ZIC1: variants seen among roughly 807,000 people sequenced by gnomAD.
ZIC1 encodes the protein zinc finger protein ZIC 1.
Under a neutral mutation model 30.9 loss-of-function variants are expected in ZIC1, and 4 were observed. That is an observed-to-expected ratio of 0.13 (90% confidence interval 0.06 to 0.30). The LOEUF (loss-of-function observed/expected upper bound fraction) is 0.30, where lower values mean the gene tolerates loss of function less well. Ranked by LOEUF, ZIC1 falls within the 10% of genes least tolerant of loss-of-function variation. The pLI, the probability that ZIC1 is intolerant of heterozygous loss-of-function variation, is 1.00. For synonymous variants in ZIC1, 305 were observed against 277.5 expected (o/e 1.10, Z -0.98); for missense variants, 441 against 639.3 (o/e 0.69, Z 3.34).
rs769942443 is a variant in ZIC1, at chr3:147,414,345, A to T, written c.*794A>T. 7.2e-5 allele frequency: 11 copies of T among 152,598 alleles called. No individual in the cohort carries two copies. Among genetic ancestry groups the T allele is most frequent in the Admixed American group, 2.6e-4 (4 of 15,286 alleles). 9.5% of individuals were successfully genotyped at this position (152,598 alleles called of 1,614,324 possible). ...CCATTTGTTTATGTAAAGTGATATTAAAAAAGATATAAACTATAACTGTCC... is the reference window on the plus strand; with the variant it reads ...CCATTTGTTTATGTAAAGTGATATTTAAAAAGATATAAACTATAACTGTCC... On this transcript the variant is annotated 3_prime_UTR_variant, in exon 3 of 3. Coordinates refer to ENST00000282928, the MANE Select transcript of ZIC1 (RefSeq NM_003412.4).
At chr3:147,411,828 TA>T (rs199986242) in intron 1 of ZIC1, among the ~76,000 whole-genome samples, 19,154 of 143,972 alleles carry the variant, frequency 0.13, 1,396 homozygotes, top group East Asian at 0.22. Flanking sequence ...CCGGAACAGT[TA>T]AAAAAAAAAA....
rs1559970131 is a variant in ZIC1, at chr3:147,410,944, C to G, written c.832C>G (p.Arg278Gly). ...NHICFWEECP[R>G]EGKPFKAKYK... ...CATCTGCTTCTGGGAGGAGTGTCCG[C>G]GCGAGGGCAAGCCCTTCAAAGCCAA... Residue 278 changes from arginine (R) to glycine (G), a missense_variant, in exon 1 of 3, where the codon CGC becomes GGC. Physicochemically the swap from Arg to Gly is moderately radical, Grantham distance 125 (BLOSUM62 -2). This residue lies in a region of ZIC1 where 33 missense variants were observed against 66.5 expected (regional missense o/e 0.50). Coordinates refer to ENST00000282928, the MANE Select transcript of ZIC1 (RefSeq NM_003412.4). 1 of 1,614,278 alleles carries G rather than the reference C, an allele frequency of 6.2e-7. No individual in the cohort carries two copies.
At position 147,415,389 on chromosome 3, in the gene ZIC1, T is replaced by G. The variant is rs796287348; in HGVS notation, c.*1838T>G. ...TGCTTAATGACTGTAGCAGAATGCC[T>G]TTTCTCTAAATCAGATTGTCTTTCT... is the stretch of plus-strand genomic sequence containing the variant. On this transcript the variant is annotated 3_prime_UTR_variant, in exon 3 of 3. Coordinates refer to ENST00000282928, the MANE Select transcript of ZIC1 (RefSeq NM_003412.4). 2.0e-5 allele frequency: 3 copies of G among 152,810 alleles called. No homozygotes were observed. Among genetic ancestry groups the G allele is most frequent in the African/African-American group, 7.2e-5 (3 of 41,590 alleles). The allele number at this position is 152,810 out of a possible 1,614,324, so 9.5% of individuals were successfully genotyped here. A position where few individuals can be genotyped will look rare whatever the true frequency, so the allele number is the denominator to read the frequency against.
Position 147,410,711 on chromosome 3 carries a change from T to G in ZIC1, c.599T>G (p.Met200Arg). 2.5e-6 allele frequency: 4 copies of G among 1,613,854 alleles called. No individual in the cohort carries two copies. The East Asian group carries it at 8.9e-5, about 36-fold the overall frequency. Reference sequence around the variant, plus strand: ...CCGCAGCTGCACGGCTACGGGCCCATGAACGTGAACATGGCCGCGCATCAC... The same window carrying G: ...CCGCAGCTGCACGGCTACGGGCCCAGGAACGTGAACATGGCCGCGCATCAC... Reference protein sequence around the residue: ...AAPQLHGYGPMNVNMAAHHGA... With the variant: ...AAPQLHGYGPRNVNMAAHHGA... Residue 200 changes from methionine to arginine, a missense_variant, in exon 1 of 3, where the codon ATG (methionine) becomes AGG (arginine). Transcript: ENST00000282928.
At chr3:147,411,991 C>A (rs550873093) in intron 1 of ZIC1, among the ~76,000 whole-genome samples, 1 of 151,990 alleles carries the variant, frequency 6.6e-6, no homozygotes, top group Non-Finnish European at 1.5e-5. Context: ...GTTTAACGCC[C>A]GAGTCAGGGA....
In ZIC1 at chr3:147,414,994, T is replaced by C. The variant is rs573862156; in HGVS notation, c.*1443T>C. ...TGAGTTGCAGATTTACAATATCATA[T>C]TTTAAATTGCTGTCTTCAATTAAAC... On this transcript the variant is annotated 3_prime_UTR_variant, in exon 3 of 3. Coordinates refer to ENST00000282928, the MANE Select transcript of ZIC1 (RefSeq NM_003412.4). 1 of 152,768 alleles carries C rather than the reference T, an allele frequency of 6.5e-6. No homozygotes were observed. The highest frequency in any genetic ancestry group is 1.9e-4 in the East Asian group (1 of 5,186). 9.5% of individuals were successfully genotyped at this position (152,768 alleles called of 1,614,324 possible).
At position 147,413,254 on chromosome 3, in the gene ZIC1, C is replaced by A; in HGVS notation, c.1147-100C>A. The A allele has an allele frequency of 2.3e-6, 3 of 1,331,580 alleles. No individual in the cohort carries two copies. In the South Asian group the frequency reaches 4.2e-5, roughly 19 times the overall value. The allele number at this position is 1,331,580 out of a possible 1,614,324, so 82.5% of individuals were successfully genotyped here. ...GGGCCTCACCTGTGTTCAGGGGGCTCCAAGGGGTCCAGGAGGAAGGGCACT... is the reference window on the plus strand; with the variant it reads ...GGGCCTCACCTGTGTTCAGGGGGCTACAAGGGGTCCAGGAGGAAGGGCACT... On this transcript the variant is annotated intron_variant, in intron 2 of 2. Coordinates refer to ENST00000282928, the MANE Select transcript of ZIC1 (RefSeq NM_003412.4).
Position 147,413,530 on chromosome 3 carries a change from T to A in ZIC1, c.1323T>A (p.Asn441Lys). 3 of 1,614,056 alleles carry A rather than the reference T, an allele frequency of 1.9e-6. No individual in the cohort carries two copies. The highest frequency in any genetic ancestry group is 2.5e-6 in the Non-Finnish European group (3 of 1,180,008). The change falls in exon 3 of 3, where the codon AAT becomes AAA. Residue 441 changes from asparagine (N) to lysine (K), a missense_variant. Physicochemically the swap from Asn to Lys is moderately conservative, Grantham distance 94 (BLOSUM62 0). Around this residue, in one of 5 missense-constraint regions of ZIC1, gnomAD observed 56 missense variants for 52.5 expected, o/e 1.07. Coordinates refer to ENST00000282928, the MANE Select transcript of ZIC1 (RefSeq NM_003412.4). ...CCGGCCACAGTGCGCTCTCTTCCAA[T>A]TTTAACGAATGGTACGTTTAAAATC... ...HTAGHSALSS[N>K]FNEWYV
At chr3:147,412,923 A>T (rs1237957229) in intron 2 of ZIC1, among the ~76,000 whole-genome samples, 1 of 152,232 alleles carries the variant, frequency 6.6e-6, no homozygotes, top group Non-Finnish European at 1.5e-5. Flanking sequence ...GAGTATGAGC[A>T]AAGGCCGCCA....
In ZIC1 at chr3:147,416,047, T is replaced by G. The variant is rs1443783840; in HGVS notation, c.*2496T>G. The G allele has an allele frequency of 3.9e-5, 6 of 152,218 alleles. No homozygotes were observed. The highest frequency in any genetic ancestry group is 8.8e-5 in the Non-Finnish European group (6 of 68,028). 9.4% of individuals were successfully genotyped at this position (152,218 alleles called of 1,614,324 possible). A position where few individuals can be genotyped will look rare whatever the true frequency, so the allele number is the denominator to read the frequency against. ...CCACCTTGCAAGGTTTAGTGAGATT[T>G]ATGGAAGTTGAATACCTAAGCAGGA... On this transcript the variant is annotated 3_prime_UTR_variant, in exon 3 of 3. Transcript: ENST00000282928.
Position 147,410,802 on chromosome 3 carries a change from C to G in ZIC1, c.690C>G (p.Ile230Met). 6.2e-7 allele frequency: 1 copy of G among 1,614,228 alleles called. No individual in the cohort carries two copies. ...PIKQELICKW[I>M]EPEQLANPKK... ...AGCAAGAGCTCATCTGCAAGTGGAT[C>G]GAGCCCGAGCAGCTGGCCAACCCCA... Residue 230 changes from isoleucine to methionine, a missense_variant, in exon 1 of 3, where the codon ATC becomes ATG. By Grantham distance (10) the Ile-to-Met change is conservative (BLOSUM62 1). Coordinates refer to ENST00000282928, the MANE Select transcript of ZIC1 (RefSeq NM_003412.4).
intron 2 of ZIC1, among the ~76,000 whole-genome samples, chr3:147,413,118 C>G (rs1331591285): frequency 1.3e-5 from 2 of 152,150 alleles, no homozygotes; most frequent in African/African-American, 2.4e-5. Flanking sequence ...TATCCAGTCT[C>G]CCTCTTCCCA....
rs1008404029 is a variant in ZIC1 at position 147,412,462 on chromosome 3, A to T, written c.983-56A>T. The T allele has an allele frequency of 4.4e-6, 7 of 1,594,682 alleles. No homozygotes were observed. The African/African-American group carries it at 6.8e-5, about 16-fold the overall frequency. On this transcript the variant is annotated intron_variant, in intron 1 of 2. Coordinates refer to ENST00000282928, the MANE Select transcript of ZIC1 (RefSeq NM_003412.4). Reference sequence around the variant, plus strand: ...TTTTTCTATTTGTTTAGTTTTTGAAAAACGGCCGCGGTATTTTTTTCTAAT... The same window carrying T: ...TTTTTCTATTTGTTTAGTTTTTGAATAACGGCCGCGGTATTTTTTTCTAAT...
chr3:147,414,448 G>C lies in ZIC1; in HGVS notation c.*897G>C, dbSNP rs2087415224. 6.6e-6 allele frequency: 1 copy of C among 152,596 alleles called. No individual in the cohort carries two copies. The highest frequency in any genetic ancestry group is 6.5e-5 in the Admixed American group (1 of 15,284). The allele number at this position is 152,596 out of a possible 1,614,324, so 9.5% of individuals were successfully genotyped here. A position where few individuals can be genotyped will look rare whatever the true frequency, so the allele number is the denominator to read the frequency against. On this transcript the variant is annotated 3_prime_UTR_variant, in exon 3 of 3. Coordinates refer to ENST00000282928, the MANE Select transcript of ZIC1 (RefSeq NM_003412.4). ...ATATTTATCCGCATGTAAAGGGCCGGTTTATCCATGTTACAGCTCTTCAAT... is the reference window on the plus strand; with the variant it reads ...ATATTTATCCGCATGTAAAGGGCCGCTTTATCCATGTTACAGCTCTTCAAT...
Position 147,409,989 on chromosome 3 carries a change from CCCT to C in ZIC1, c.-116_-114del. 6 of 1,091,876 alleles carry C rather than the reference CCCT, an allele frequency of 5.5e-6. No homozygotes were observed. The highest frequency in any genetic ancestry group is 7.5e-6 in the Non-Finnish European group (6 of 802,804). 67.6% of individuals were successfully genotyped at this position (1,091,876 alleles called of 1,614,324 possible). A position where few individuals can be genotyped will look rare whatever the true frequency, so the allele number is the denominator to read the frequency against. On this transcript the variant is annotated 5_prime_UTR_variant, in exon 1 of 3. Coordinates refer to ENST00000282928, the MANE Select transcript of ZIC1 (RefSeq NM_003412.4). ...TTCGCGAGGTGGGTCGACTCCCCCT[CCCT>C]CCTCCTCTTCTTCCTCCTCTTCCTC...
At chr3:147,413,232 C>A in intron 2 of ZIC1, 122 bp from the exon 3 acceptor site, 4 of 1,022,912 alleles carry the variant, frequency 3.9e-6, no homozygotes, top group Non-Finnish European at 4.2e-6. Context: ...GCTGATCGGG[C>A]CTCACCTGTG....
At position 147,413,458 on chromosome 3, in the gene ZIC1, G is replaced by A. The variant is rs758948864; in HGVS notation, c.1251G>A (p.Pro417=). The A allele has an allele frequency of 1.2e-6, 2 of 1,614,016 alleles. No individual in the cohort carries two copies. Among genetic ancestry groups the A allele is most frequent in the Admixed American group, 1.7e-5 (1 of 60,006 alleles). The change falls in exon 3 of 3, where the codon CCG becomes CCA. Residue 417 remains proline (P), a synonymous_variant. Coordinates refer to ENST00000282928, the MANE Select transcript of ZIC1 (RefSeq NM_003412.4). ...PTIVSPSTDN[P]TTSSLSPSSS... is the part of the protein sequence containing the mutation. ...TCGTGTCTCCCTCCACAGACAACCC[G>A]ACCACAAGCTCCTTATCGCCCTCCT...
chr3:147,410,257 C>A lies in ZIC1; in HGVS notation c.145C>A (p.Leu49Ile). Residue 49 changes from leucine to isoleucine, a missense_variant, in exon 1 of 3, where the codon CTC (leucine) becomes ATC (isoleucine). Physicochemically the swap from Leu to Ile is conservative, Grantham distance 5. Transcript: ENST00000282928. ...CGCCGACGGCATGGGCGCCTTCAAG[C>A]TCAACCCCAGTTCGCACGAGCTGGC... ...PFADGMGAFK[L>I]NPSSHELASA... 6.2e-7 allele frequency: 1 copy of A among 1,601,098 alleles called. No homozygotes were observed. The highest frequency in any genetic ancestry group is 8.5e-7 in the Non-Finnish European group (1 of 1,179,704).
rs2087429760 is a variant in ZIC1 at position 147,415,897 on chromosome 3, TG to T, written c.*2347del. 6.6e-6 allele frequency: 1 copy of T among 152,266 alleles called. No individual in the cohort carries two copies. The highest frequency in any genetic ancestry group is 2.4e-5 in the African/African-American group (1 of 41,478). The allele number at this position is 152,266 out of a possible 1,614,324, so 9.4% of individuals were successfully genotyped here. A position where few individuals can be genotyped will look rare whatever the true frequency, so the allele number is the denominator to read the frequency against. On this transcript the variant is annotated 3_prime_UTR_variant, in exon 3 of 3. Coordinates refer to ENST00000282928, the MANE Select transcript of ZIC1 (RefSeq NM_003412.4). ...GTCACTGTTTCAACAAAGTCTTATT[TG>T]CTGAGGAAGGACTTTGCTGCACTTA... is the stretch of plus-strand genomic sequence containing the variant.
Sources: gnomAD v4.1 joint callset for allele counts (sites outside exome capture counted in the v4.1 genomes callset) on GRCh38, gnomAD v4.1.1 for gene constraint, gnomAD v4.1.1 regional missense constraint, MANE v1.5 for transcripts, NCBI Gene and HGNC (gene_info 2026-07-23, HGNC 2026-07-21) for gene names.